CAMTA1: variants seen among roughly 807,000 people sequenced by gnomAD.
CAMTA1 encodes calmodulin binding transcription activator 1, also known as calmodulin-binding transcription activator 1.
In CAMTA1, 27 loss-of-function variants were observed where a neutral mutation model predicts 170.9. The observed-to-expected ratio is 0.16, with a 90% CI of 0.12 to 0.22. CAMTA1 has a LOEUF of 0.22. Among genes scored for constraint, CAMTA1 ranks in the 10% least tolerant of loss-of-function variants. The pLI is 1.00. For missense variants in CAMTA1, 1,619 were observed against 2,217.2 expected (o/e 0.73, Z 5.42); for synonymous variants, 833 against 891.5 (o/e 0.93, Z 1.17).
chr1:7,478,311 C>T (rs2093456035), intron 6 of CAMTA1, among the ~76,000 whole-genome samples: 1 of 152,226 alleles, frequency 6.6e-6, no homozygotes, highest in Non-Finnish European at 1.5e-5. Context: ...GTTCCGCAGC[C>T]TCAGGCGGGA....
At chr1:7,466,483 T>C (rs1340369458) in intron 5 of CAMTA1, among the ~76,000 whole-genome samples, 1 of 152,226 alleles carries the variant, frequency 6.6e-6, no homozygotes, top group African/African-American at 2.4e-5. Context: ...AGGGCTCCGA[T>C]GGACTCCTAG....
At chr1:7,119,465 G>A (rs1336028377) in intron 4 of CAMTA1, among the ~76,000 whole-genome samples, 1 of 152,158 alleles carries the variant, frequency 6.6e-6, no homozygotes, top group Non-Finnish European at 1.5e-5. Flanking sequence ...ACAGCGGGGG[G>A]CATCATTTTT....
intron 5 of CAMTA1, among the ~76,000 whole-genome samples, chr1:7,303,431 T>G (rs530362133): frequency 6.6e-6 from 1 of 152,364 alleles, no homozygotes; most frequent in Non-Finnish European, 1.5e-5. Context: ...AATATGTTTA[T>G]GAAGCTGAGC....
At chr1:7,231,547 A>AT (rs1662837190) in intron 4 of CAMTA1, among the ~76,000 whole-genome samples, 1 of 151,970 alleles carries the variant, frequency 6.6e-6, no homozygotes, top group South Asian at 2.1e-4. Context: ...TAATTTTTGT[A>AT]TTTTTGGTGG....
At chr1:7,168,188 A>G (rs563870506) in intron 4 of CAMTA1, among the ~76,000 whole-genome samples, 3 of 152,276 alleles carry the variant, frequency 2.0e-5, no homozygotes, top group African/African-American at 7.2e-5. Context: ...TATTTTTTGT[A>G]TGTTGACCTT....
rs75193113 is a variant in CAMTA1 at position 6,996,717 on chromosome 1, A to G, written c.235-94587A>G. Among the ~76,000 whole-genome samples the G allele has an allele frequency of 7.0e-3, 1,064 of 151,874 alleles. 9 individuals carry two copies. The highest frequency in any genetic ancestry group is 0.024 in the Middle Eastern group (7 of 292). On this transcript the variant is annotated intron_variant, in intron 3 of 22. Coordinates refer to ENST00000303635, the MANE Select transcript of CAMTA1 (RefSeq NM_015215.4). ...AGAAAGAAAGAAAGAAAGAAAGAAA[A>G]AAAGTCACAAACCCTCAGAAACTTA...
intron 5 of CAMTA1, among the ~76,000 whole-genome samples, chr1:7,429,292 C>A (rs754355335): frequency 6.6e-6 from 1 of 152,164 alleles, no homozygotes; most frequent in Non-Finnish European, 1.5e-5. Flanking sequence ...GCATAGTGCA[C>A]GGCATATTTT....
intron 5 of CAMTA1, among the ~76,000 whole-genome samples, chr1:7,257,501 G>A (rs183184437): frequency 1.3e-5 from 2 of 152,276 alleles, no homozygotes; most frequent in Non-Finnish European, 2.9e-5. Flanking sequence ...TCTCCTCCCA[G>A]CATGAACTGC....
rs1574567735 is a variant in CAMTA1, at chr1:7,307,667, T to C, written c.438+58041T>C. Among the ~76,000 whole-genome samples the C allele has an allele frequency of 2.0e-5, 3 of 152,202 alleles. No individual in the cohort carries two copies. In the East Asian group the frequency reaches 5.8e-4, roughly 29 times the overall value. On this transcript the variant is annotated intron_variant, in intron 5 of 22. Coordinates refer to ENST00000303635, the MANE Select transcript of CAMTA1 (RefSeq NM_015215.4). ...ATGGTAAATTACAGTGATTGATTTCTGGATATTGAAGCATCTTTGCATTCT... is the reference window on the plus strand; with the variant it reads ...ATGGTAAATTACAGTGATTGATTTCCGGATATTGAAGCATCTTTGCATTCT...
chr1:7,278,697 G>T (rs368434795), intron 5 of CAMTA1, among the ~76,000 whole-genome samples: 17 of 152,216 alleles, frequency 1.1e-4, no homozygotes, highest in African/African-American at 2.9e-4. Context: ...CCTGATTCTG[G>T]GGTTCATTTA....
Position 7,310,700 on chromosome 1 carries a change from C to T in CAMTA1, c.438+61074C>T, listed in dbSNP as rs868780507. On this transcript the variant is annotated intron_variant, in intron 5 of 22. Coordinates refer to ENST00000303635, the MANE Select transcript of CAMTA1 (RefSeq NM_015215.4). Reference sequence around the variant, plus strand: ...TCTTTCTCTCTCTCTCTCTCTCTCTCTCTTTCTTTCTTTCTTTCTTTCTTT... The same window carrying T: ...TCTTTCTCTCTCTCTCTCTCTCTCTTTCTTTCTTTCTTTCTTTCTTTCTTT... 2.4e-3 allele frequency among the ~76,000 whole-genome samples: 127 copies of T among 53,386 alleles called. 2 individuals carry two copies. Among genetic ancestry groups the T allele is most frequent in the African/African-American group, 8.5e-3 (66 of 7,802 alleles). The allele number at this position is 53,386 out of a possible 152,430, so 35.0% of individuals were successfully genotyped here.
In CAMTA1 at chr1:7,251,089, G is replaced by A. The variant is rs1666567022; in HGVS notation, c.438+1463G>A. Among the ~76,000 whole-genome samples the A allele has an allele frequency of 6.6e-6, 1 of 152,146 alleles. No homozygotes were observed. The highest frequency in any genetic ancestry group is 6.5e-5 in the Admixed American group (1 of 15,282). ...AGGCTGCTCGCACCGGGAGTAATAG[G>A]GCTGCGGGAATTCAAACTGGAAGTC... On this transcript the variant is annotated intron_variant, in intron 5 of 22. Transcript: ENST00000303635. The surrounding 1 kb of genome is among the most constrained non-coding windows in gnomAD (Gnocchi z 5.1).
At chr1:7,082,682 CA>C (rs1457950977) in intron 3 of CAMTA1, among the ~76,000 whole-genome samples, 1 of 152,186 alleles carries the variant, frequency 6.6e-6, no homozygotes, top group African/African-American at 2.4e-5. Context: ...TCCCTGAACA[CA>C]TTTGCTACTC....
In CAMTA1 at chr1:7,736,564, G is replaced by A. The variant is rs2096773950; in HGVS notation, c.3263+24G>A. 6.2e-7 allele frequency: 1 copy of A among 1,609,094 alleles called. No homozygotes were observed. Among genetic ancestry groups the A allele is most frequent in the Admixed American group, 1.7e-5 (1 of 59,966 alleles). On this transcript the variant is annotated intron_variant, in intron 13 of 22. Coordinates refer to ENST00000303635, the MANE Select transcript of CAMTA1 (RefSeq NM_015215.4). This position sits in a 1 kb window ranked among gnomAD's most constrained non-coding sequence, Gnocchi z 4.5. ...CGGTAAGGCTGTGGTGCAGCTGGCTGGGGGTCAGCCTCGCACATCCTCGCT... is the reference window on the plus strand; with the variant it reads ...CGGTAAGGCTGTGGTGCAGCTGGCTAGGGGTCAGCCTCGCACATCCTCGCT...
At chr1:7,608,641 C>T (rs1339013694) in intron 6 of CAMTA1, among the ~76,000 whole-genome samples, 1 of 152,232 alleles carries the variant, frequency 6.6e-6, no homozygotes, top group Non-Finnish European at 1.5e-5. Context: ...CTTGGCATCT[C>T]TTTCTCCTTA....
At chr1:7,084,685 C>A (rs9434460) in intron 3 of CAMTA1, among the ~76,000 whole-genome samples, 7 of 152,154 alleles carry the variant, frequency 4.6e-5, no homozygotes, top group Non-Finnish European at 7.3e-5. Context: ...CTGCCGTTGG[C>A]TCCAGGAGGC....
intron 4 of CAMTA1, among the ~76,000 whole-genome samples, chr1:7,192,601 A>C (rs10489140): frequency 0.075 from 11,369 of 152,250 alleles, 1,277 homozygotes; most frequent in African/African-American, 0.24. Context: ...CATTGAGCCG[A>C]GTGCCACCTG....
chr1:6,885,856 C>A (rs1287603899), intron 3 of CAMTA1, among the ~76,000 whole-genome samples: 1 of 152,142 alleles, frequency 6.6e-6, no homozygotes, highest in East Asian at 1.9e-4. Context: ...TTGCTGTTCC[C>A]TTCTCTGCAC....
intron 6 of CAMTA1, among the ~76,000 whole-genome samples, chr1:7,630,112 C>A (rs1174689308): frequency 6.6e-6 from 1 of 152,228 alleles, no homozygotes; most frequent in Non-Finnish European, 1.5e-5. Flanking sequence ...GCCCGGGCCC[C>A]CACGCATACG....
Sources: allele counts gnomAD v4.1 joint callset (sites outside exome capture counted in the v4.1 genomes callset), GRCh38; gene constraint gnomAD v4.1.1; non-coding constraint Gnocchi (gnomAD v3.1); transcripts MANE v1.5; gene names NCBI Gene and HGNC (gene_info 2026-07-23, HGNC 2026-07-21).